PPFIA2: variants seen among roughly 807,000 people sequenced by gnomAD.
PPFIA2 encodes PPFI scaffold protein A2, also known as liprin-alpha-2.
In PPFIA2, 46 loss-of-function variants were observed where a neutral mutation model predicts 175.5. The ratio of observed to expected loss-of-function variants is 0.26; its 90% CI spans 0.21 to 0.34. The LOEUF (loss-of-function observed/expected upper bound fraction) is 0.34, where lower values mean the gene tolerates loss of function less well. PPFIA2 is among the 10% of genes least tolerant of loss of function. PPFIA2 has a pLI of 1.00. For missense variants in PPFIA2, 1,179 were observed against 1,506.1 expected (o/e 0.78, Z 3.60); for synonymous variants, 568 against 511.4 (o/e 1.11, Z -1.49).
intron 4 of PPFIA2, among the ~76,000 whole-genome samples, chr12:81,571,305 A>T (rs2072496136): frequency 6.6e-6 from 1 of 152,108 alleles, no homozygotes; most frequent in Non-Finnish European, 1.5e-5. Flanking sequence ...TTGGGAGTGG[A>T]AGGAAGAAGG....
chr12:81,289,825 G>T (rs2044432977), intron 24 of PPFIA2, among the ~76,000 whole-genome samples: 1 of 151,772 alleles, frequency 6.6e-6, no homozygotes, highest in African/African-American at 2.4e-5. Context: ...TTCAAAGAAT[G>T]CACTTATTTT....
intron 6 of PPFIA2, among the ~76,000 whole-genome samples, chr12:81,440,855 TA>T (rs2050061552): frequency 1.3e-5 from 2 of 150,136 alleles, no homozygotes; most frequent in South Asian, 4.2e-4. Flanking sequence ...GAGAAAGAAA[TA>T]TTGCTGAATT....
At chr12:81,681,688 T>C (rs1366257175) in intron 3 of PPFIA2, among the ~76,000 whole-genome samples, 1 of 151,008 alleles carries the variant, frequency 6.6e-6, no homozygotes, top group Non-Finnish European at 1.5e-5. Flanking sequence ...TCAGATACTG[T>C]AAGTCTTGCT....
At chr12:81,464,884 G>GAAAAA (rs11422177) in intron 4 of PPFIA2, among the ~76,000 whole-genome samples, 1 of 145,578 alleles carries the variant, frequency 6.9e-6, no homozygotes. Flanking sequence ...AATAGAGCTG[G>GAAAAA]AAAAAAAAAA....
At chr12:81,423,812 C>A (rs969079346) in intron 7 of PPFIA2, among the ~76,000 whole-genome samples, 2 of 151,986 alleles carry the variant, frequency 1.3e-5, no homozygotes, top group African/African-American at 4.8e-5. Context: ...AATCTGTATG[C>A]AAATGACATG....
intron 4 of PPFIA2, among the ~76,000 whole-genome samples, chr12:81,480,692 T>C (rs1431943182): frequency 6.6e-6 from 1 of 152,152 alleles, no homozygotes; most frequent in Non-Finnish European, 1.5e-5. Context: ...TGCTTGAGTT[T>C]GCTAGAAGTC....
intron 4 of PPFIA2, among the ~76,000 whole-genome samples, chr12:81,492,201 A>C (rs1332783509): frequency 6.6e-6 from 1 of 151,796 alleles, no homozygotes; most frequent in Non-Finnish European, 1.5e-5. Flanking sequence ...GCACAAAAAA[A>C]CCCACAAAAA....
At chr12:81,275,640 A>G (rs1361645156) in intron 28 of PPFIA2, among the ~76,000 whole-genome samples, 1 of 152,204 alleles carries the variant, frequency 6.6e-6, no homozygotes, top group Admixed American at 6.5e-5. Context: ...AATGTAATGT[A>G]GAAACACCCA....
intron 3 of PPFIA2, among the ~76,000 whole-genome samples, chr12:81,685,639 G>A (rs2074330998): frequency 6.6e-6 from 1 of 151,922 alleles, no homozygotes. Context: ...TGACTTTAAG[G>A]ATTTTTCAGT....
chr12:81,422,334 G>A (rs1200603070), intron 7 of PPFIA2, among the ~76,000 whole-genome samples: 1 of 151,874 alleles, frequency 6.6e-6, no homozygotes, highest in Non-Finnish European at 1.5e-5. Flanking sequence ...GATATCTGGT[G>A]AAAGAAATAT....
At chr12:81,325,425 C>T (rs925451467) in intron 22 of PPFIA2, among the ~76,000 whole-genome samples, 4 of 152,044 alleles carry the variant, frequency 2.6e-5, no homozygotes, top group Non-Finnish European at 4.4e-5. Flanking sequence ...CTTATAATTG[C>T]CATGAGAGAA....
intron 11 of PPFIA2, among the ~76,000 whole-genome samples, chr12:81,370,501 G>A (rs1254880182): frequency 6.6e-6 from 1 of 151,838 alleles, no homozygotes; most frequent in East Asian, 1.9e-4. Context: ...ATTATCAATT[G>A]ACAACAATGC....
chr12:81,418,736 A>G lies in PPFIA2; in HGVS notation c.646-12833T>C, dbSNP rs766823717. Among the ~76,000 whole-genome samples the G allele has an allele frequency of 7.0e-4, 106 of 152,094 alleles. 1 individual carries two copies. The highest frequency in any genetic ancestry group is 2.6e-4 in the Admixed American group (4 of 15,240). On this transcript the variant is annotated intron_variant, in intron 7 of 32. Coordinates refer to ENST00000549396, the MANE Select transcript of PPFIA2 (RefSeq NM_003625.5). ...AAAAACTGTTCAAATGGATACAGTT[A>G]AAGTCAGAACTATAACTAAAATTCC...
chr12:81,386,137 G>A (rs1464282746), intron 8 of PPFIA2, among the ~76,000 whole-genome samples: 2 of 151,390 alleles, frequency 1.3e-5, no homozygotes, highest in Admixed American at 1.3e-4. Flanking sequence ...AAAAAATAGG[G>A]TGTGGTGGCA....
chr12:81,715,815 G>A (rs1421457137), intron 3 of PPFIA2, among the ~76,000 whole-genome samples: 1 of 151,564 alleles, frequency 6.6e-6, no homozygotes, highest in Non-Finnish European at 1.5e-5. Flanking sequence ...ATATTATCTT[G>A]TCTTTTTTAC....
chr12:81,624,160 G>A (rs1387735106), intron 4 of PPFIA2, among the ~76,000 whole-genome samples: 1 of 151,584 alleles, frequency 6.6e-6, no homozygotes, highest in African/African-American at 2.4e-5. Context: ...AGAGTAGTTG[G>A]CATCTATGTA....
intron 4 of PPFIA2, among the ~76,000 whole-genome samples, chr12:81,518,473 G>T (rs922995865): frequency 6.6e-6 from 1 of 152,032 alleles, no homozygotes; most frequent in Admixed American, 6.6e-5. Context: ...ACTCCTCCAC[G>T]CTTTCTCATG....
At chr12:81,585,062 A>G (rs2075111482) in intron 4 of PPFIA2, among the ~76,000 whole-genome samples, 1 of 119,898 alleles carries the variant, frequency 8.3e-6, no homozygotes, top group Non-Finnish European at 1.7e-5. Flanking sequence ...ATATAATTAT[A>G]TAATATATAA....
chr12:81,602,224 T>C (rs1446816179), intron 4 of PPFIA2, among the ~76,000 whole-genome samples: 1 of 150,284 alleles, frequency 6.7e-6, no homozygotes. Context: ...ACAGAATAAA[T>C]ATATTAAAAT....
Sources: allele counts gnomAD v4.1 joint callset (sites outside exome capture counted in the v4.1 genomes callset), GRCh38; gene constraint gnomAD v4.1.1; transcripts MANE v1.5; gene names NCBI Gene and HGNC (gene_info 2026-07-23, HGNC 2026-07-21).